The following ADGRG6 variants were observed in gnomAD, a reference collection of about 807,000 sequenced individuals.
The protein encoded by ADGRG6 is G-protein coupled receptor 126.
In ADGRG6, 84 loss-of-function variants were observed where a neutral mutation model predicts 142.4. That is an observed-to-expected ratio of 0.59 (90% CI 0.49 to 0.71). The LOEUF (loss-of-function observed/expected upper bound fraction) is 0.71. Ranked by LOEUF, ADGRG6 falls within the 30% of genes least tolerant of loss-of-function variation. The pLI, the probability that ADGRG6 is intolerant of heterozygous loss-of-function variation, is 0.00. For synonymous variants in ADGRG6, 521 were observed against 520.5 expected (o/e 1.00, Z -0.01); for missense variants, 1,367 against 1,466.6 (o/e 0.93, Z 1.11).
chr6:142,302,406 C>T (rs1777269235), intron 1 of ADGRG6, 75 bp downstream of exon 1: 4 of 1,457,034 alleles, frequency 2.7e-6, no homozygotes, highest in Admixed American at 3.7e-5. Context: ...CCTCCCCGAC[C>T]ACCCCACCCT....
intron 10 of ADGRG6, among the ~76,000 whole-genome samples, chr6:142,398,619 T>A (rs1046353977): frequency 1.5e-4 from 23 of 152,170 alleles, no homozygotes; most frequent in Admixed American, 1.5e-3. Context: ...GAGGCTGTGC[T>A]GCTTCCTTTA....
chr6:142,390,691 G>T (rs1430772122), intron 7 of ADGRG6, among the ~76,000 whole-genome samples: 2 of 151,704 alleles, frequency 1.3e-5, no homozygotes, highest in African/African-American at 4.8e-5. Flanking sequence ...TTGAATGTTT[G>T]ATCAAAACCA....
chr6:142,302,484 C>CCCTCAGTG, intron 1 of ADGRG6, 153 bp downstream of exon 1: 1 of 740,484 alleles, frequency 1.4e-6, no homozygotes, highest in Non-Finnish European at 2.2e-6. Context: ...TTCAGTTTGC[C>CCCTCAGTG]CCTCGAGGCA....
intron 2 of ADGRG6, among the ~76,000 whole-genome samples, chr6:142,342,542 G>A (rs182331438): frequency 1.3e-5 from 2 of 151,950 alleles, no homozygotes; most frequent in South Asian, 2.1e-4. Flanking sequence ...ATACTTTACC[G>A]TCTAAATAAG....
chr6:142,424,037 C>T, intron 22 of ADGRG6, among the ~76,000 whole-genome samples: 2 of 51,164 alleles, frequency 3.9e-5, no homozygotes, highest in African/African-American at 1.4e-4. Context: ...TGAGACTTTG[C>T]TGAAGTTGCT....
intron 7 of ADGRG6, among the ~76,000 whole-genome samples, chr6:142,390,813 G>A (rs1012279562): frequency 2.6e-5 from 4 of 151,626 alleles, no homozygotes; most frequent in Admixed American, 6.6e-5. Context: ...AGTTTTCTCC[G>A]CTTTTTTCCA....
intron 3 of ADGRG6, among the ~76,000 whole-genome samples, 173 bp downstream of exon 3, chr6:142,368,083 T>G (rs1199295724): frequency 3.3e-5 from 5 of 152,230 alleles, no homozygotes; most frequent in Non-Finnish European, 5.9e-5. Context: ...TAGCAAAATA[T>G]AATTACCAGA....
At chr6:142,310,753 G>T (rs1460210139) in intron 2 of ADGRG6, among the ~76,000 whole-genome samples, 2 of 151,800 alleles carry the variant, frequency 1.3e-5, no homozygotes, top group East Asian at 3.9e-4. Flanking sequence ...TTGTGTGTGT[G>T]TTTGTTAGAA....
intron 2 of ADGRG6, among the ~76,000 whole-genome samples, chr6:142,338,013 C>CTTTTTTTTTTTTTT (rs1779405902): frequency 1.2e-4 from 3 of 26,078 alleles, no homozygotes; most frequent in African/African-American, 1.8e-4. Flanking sequence ...TGCCTTGTAT[C>CTTTTTTTTTTTTTT]TTTGTTTTTT....
intron 1 of ADGRG6, among the ~76,000 whole-genome samples, chr6:142,306,357 C>T (rs546677444): frequency 6.6e-6 from 1 of 152,242 alleles, no homozygotes; most frequent in East Asian, 1.9e-4. Context: ...GGAAACAGGA[C>T]TAAAGCAAAT....
intron 2 of ADGRG6, among the ~76,000 whole-genome samples, chr6:142,342,569 T>G (rs1338997813): frequency 6.6e-6 from 1 of 152,134 alleles, no homozygotes; most frequent in African/African-American, 2.4e-5. Context: ...GAAGTTTTCA[T>G]AGTTAACTGG....
chr6:142,443,364 CA>C lies in ADGRG6; in HGVS notation c.3606del (p.Lys1202AsnfsTer75), dbSNP rs1562399916. The C allele has an allele frequency of 6.2e-7, 1 of 1,611,834 alleles. No homozygotes were observed. The highest frequency in any genetic ancestry group is 8.5e-7 in the Non-Finnish European group (1 of 1,178,704). The part of the protein sequence containing the change: ...TDSASMDKSL[S>X]KLAHADGDQT... ...AGTGCTTCCATGGACAAGTCCTTGT[CA>C]AAACTGGCCCATGCTGATGGAGATC... On this transcript the variant is annotated frameshift_variant, in exon 25 of 25. Transcript: ENST00000367609. LOFTEE classifies it high-confidence loss of function.
intron 21 of ADGRG6, among the ~76,000 whole-genome samples, chr6:142,419,367 T>C (rs576731411): frequency 6.6e-6 from 1 of 152,288 alleles, no homozygotes. Context: ...CTACCACTAA[T>C]AGCTCTTCCA....
intron 2 of ADGRG6, among the ~76,000 whole-genome samples, chr6:142,360,210 T>G (rs1161900013): frequency 6.6e-6 from 1 of 152,164 alleles, no homozygotes; most frequent in Non-Finnish European, 1.5e-5. Flanking sequence ...AAAAACAAAT[T>G]ATTTGAGGAA....
chr6:142,430,412 C>A (rs1013768974), intron 22 of ADGRG6, among the ~76,000 whole-genome samples: 4 of 152,124 alleles, frequency 2.6e-5, no homozygotes. Context: ...TGCATTGCCT[C>A]GAATTTTACT....
chr6:142,403,732 C>A, intron 13 of ADGRG6, 70 bp from the exon 14 acceptor site: 1 of 987,818 alleles, frequency 1.0e-6, no homozygotes, highest in Non-Finnish European at 1.5e-6. Context: ...TGCCATGCAG[C>A]AAAACATGTA....
chr6:142,415,744 A>C (rs1175174790), intron 19 of ADGRG6, 52 bp from the exon 20 acceptor site: 34 of 1,304,604 alleles, frequency 2.6e-5, no homozygotes, highest in Non-Finnish European at 3.3e-5. Context: ...TGTGCTTAAA[A>C]GATTGATATA....
Position 142,383,823 on chromosome 6 carries a change from G to T in ADGRG6, c.1202G>T (p.Arg401Ile). The change falls in exon 6 of 25, where the codon AGA becomes ATA. Residue 401 changes from arginine to isoleucine, a missense_variant. Transcript: ENST00000367609. ...ACCACTAACATGCCTGTTACTAACAGAATCGATAAACAAAGGAATGGTAAG... is the reference window on the plus strand; with the variant it reads ...ACCACTAACATGCCTGTTACTAACATAATCGATAAACAAAGGAATGGTAAG... Reference protein sequence around the residue: ...TVTTNMPVTNRIDKQRNDGII... With the variant: ...TVTTNMPVTNIIDKQRNDGII... 1 of 1,556,108 alleles carries T rather than the reference G, an allele frequency of 6.4e-7. No homozygotes were observed. Among genetic ancestry groups the T allele is most frequent in the South Asian group, 1.1e-5 (1 of 89,738 alleles).
intron 16 of ADGRG6, among the ~76,000 whole-genome samples, chr6:142,408,986 A>G (rs573148411): frequency 2.2e-4 from 34 of 152,158 alleles, no homozygotes; most frequent in Non-Finnish European, 4.9e-4. Context: ...CCTTTGTTTC[A>G]GCCCCTTCAT....
Sources: allele counts gnomAD v4.1 joint callset (sites outside exome capture counted in the v4.1 genomes callset), GRCh38; gene constraint gnomAD v4.1.1; transcripts MANE v1.5; gene names NCBI Gene and HGNC (gene_info 2026-07-23, HGNC 2026-07-21).